Variants in MAPKAP1 observed in about 807,000 individuals in gnomAD.
The protein encoded by MAPKAP1 is MAPK associated protein 1.
A neutral mutation model predicts 65.7 loss-of-function variants in MAPKAP1; 20 were observed. The observed-to-expected ratio is 0.30, with a 90% CI of 0.21 to 0.44. The LOEUF is 0.44. Among genes scored for constraint, MAPKAP1 ranks in the 20% least tolerant of loss-of-function variants. The pLI is 1.00. For missense variants in MAPKAP1, 423 were observed against 648.0 expected (o/e 0.65, Z 3.77); for synonymous variants, 222 against 244.3 (o/e 0.91, Z 0.85).
At chr9:125,563,367 A>C (rs775220435) in intron 5 of MAPKAP1, among the ~76,000 whole-genome samples, 8 of 152,168 alleles carry the variant, frequency 5.3e-5, no homozygotes, top group Non-Finnish European at 8.8e-5. Flanking sequence ...TTTAATGCTA[A>C]CTCAAATTCT....
chr9:125,488,180 A>G (rs1854563666), intron 8 of MAPKAP1, among the ~76,000 whole-genome samples: 1 of 151,824 alleles, frequency 6.6e-6, no homozygotes, highest in South Asian at 2.1e-4. Flanking sequence ...TACCTGGGGG[A>G]GTTCTGAGCC....
At chr9:125,639,053 A>G (rs1052371293) in intron 4 of MAPKAP1, among the ~76,000 whole-genome samples, 1 of 152,220 alleles carries the variant, frequency 6.6e-6, no homozygotes, top group African/African-American at 2.4e-5. Flanking sequence ...AGCCTGGCCA[A>G]TATGGTGAAA....
chr9:125,623,143 C>T (rs1832962864), intron 4 of MAPKAP1, among the ~76,000 whole-genome samples: 2 of 145,870 alleles, frequency 1.4e-5, no homozygotes, highest in African/African-American at 2.5e-5. Flanking sequence ...TCTCGGCTCA[C>T]GACAACCTAC....
At chr9:125,531,247 A>G (rs141572086) in intron 7 of MAPKAP1, among the ~76,000 whole-genome samples, 118 of 152,364 alleles carry the variant, frequency 7.7e-4, no homozygotes, top group African/African-American at 2.7e-3. Flanking sequence ...GTCTAGCAGT[A>G]CAACCTTTGG....
chr9:125,485,814 C>G (rs1418527288), intron 8 of MAPKAP1, among the ~76,000 whole-genome samples: 2 of 152,216 alleles, frequency 1.3e-5, no homozygotes, highest in Admixed American at 6.5e-5. Flanking sequence ...CTAGCTCTGC[C>G]TCTAATTTGC....
At chr9:125,565,867 T>C (rs1320565133) in intron 5 of MAPKAP1, 4 of 221,504 alleles carry the variant, frequency 1.8e-5, no homozygotes, top group Non-Finnish European at 3.9e-5. Context: ...CCAGTGTGTA[T>C]CTACCAACCC....
intron 7 of MAPKAP1, among the ~76,000 whole-genome samples, chr9:125,539,542 AG>A (rs1294656084): frequency 6.6e-6 from 1 of 152,248 alleles, no homozygotes; most frequent in Non-Finnish European, 1.5e-5. Context: ...TCAGAAGGCT[AG>A]GAAGGGCTGA....
intron 6 of MAPKAP1, among the ~76,000 whole-genome samples, chr9:125,554,405 TCA>T (rs1317962658): frequency 1.3e-5 from 2 of 152,154 alleles, no homozygotes; most frequent in Admixed American, 1.3e-4. Flanking sequence ...CAGGGAGTGC[TCA>T]TAGATTCAGG....
chr9:125,670,422 T>C (rs1032926409), intron 2 of MAPKAP1, among the ~76,000 whole-genome samples: 5 of 152,234 alleles, frequency 3.3e-5, no homozygotes, highest in Non-Finnish European at 7.3e-5. Context: ...TAAATTAGCA[T>C]AGCTTTTCTT....
chr9:125,445,152 G>C (rs2900227), intron 10 of MAPKAP1, among the ~76,000 whole-genome samples: 38,247 of 151,830 alleles, frequency 0.25, 4,958 homozygotes, highest in Non-Finnish European at 0.28. Context: ...GGGCGGGGGG[G>C]GCACCATGGA....
At chr9:125,650,636 T>C (rs1176751685) in intron 4 of MAPKAP1, among the ~76,000 whole-genome samples, 3 of 152,156 alleles carry the variant, frequency 2.0e-5, no homozygotes, top group African/African-American at 7.2e-5. Flanking sequence ...TTCTACCTCA[T>C]GGAATTTTTA....
intron 4 of MAPKAP1, among the ~76,000 whole-genome samples, chr9:125,590,766 T>C (rs1001717018): frequency 2.0e-5 from 3 of 151,906 alleles, no homozygotes; most frequent in African/African-American, 7.3e-5. Context: ...CTCTAAGAAA[T>C]AGGGTTCTAT....
chr9:125,621,847 G>A (rs1404454589), intron 4 of MAPKAP1, among the ~76,000 whole-genome samples: 1 of 152,156 alleles, frequency 6.6e-6, no homozygotes, highest in Non-Finnish European at 1.5e-5. Context: ...GTTTAGAAGT[G>A]CAACCATTGT....
chr9:125,579,160 T>A (rs1162685054), intron 5 of MAPKAP1, among the ~76,000 whole-genome samples: 20 of 152,220 alleles, frequency 1.3e-4, no homozygotes, highest in Admixed American at 1.3e-3. Context: ...AAGTACCATA[T>A]TCCAATCTTG....
At chr9:125,542,011 T>C (rs542405830) in intron 7 of MAPKAP1, among the ~76,000 whole-genome samples, 2 of 152,326 alleles carry the variant, frequency 1.3e-5, no homozygotes, top group South Asian at 4.1e-4. Context: ...TCCAAATTGC[T>C]TGCAGACGCT....
At chr9:125,622,836 C>G (rs1832948899) in intron 4 of MAPKAP1, among the ~76,000 whole-genome samples, 1 of 152,132 alleles carries the variant, frequency 6.6e-6, no homozygotes, top group Non-Finnish European at 1.5e-5. Flanking sequence ...CTCCGTCTCC[C>G]CAGTCTCCCT....
intron 8 of MAPKAP1, among the ~76,000 whole-genome samples, chr9:125,496,569 G>T (rs1854958127): frequency 6.6e-6 from 1 of 152,200 alleles, no homozygotes; most frequent in Non-Finnish European, 1.5e-5. Flanking sequence ...AGGAGGCAGA[G>T]CCTCCAGAAG....
intron 6 of MAPKAP1, among the ~76,000 whole-genome samples, chr9:125,555,482 C>T (rs192971548): frequency 2.6e-5 from 4 of 152,340 alleles, no homozygotes; most frequent in East Asian, 1.9e-4. Context: ...ACTGGAGCCC[C>T]GGGAATAGCC....
rs565670164 is a variant in MAPKAP1 at position 125,494,015 on chromosome 9, G to A, written c.1067-9432C>T. ...CATGGGCTGTAATGGTATCTAAGGA[G>A]AACACAGTCACGCCTGGCCATGCCA... On this transcript the variant is annotated intron_variant, in intron 8 of 11. Transcript: ENST00000265960. Among the ~76,000 whole-genome samples, 7 of 152,302 alleles carry A rather than the reference G, an allele frequency of 4.6e-5. No individual in the cohort carries two copies. The South Asian group carries it at 1.2e-3, about 27-fold the overall frequency.
Sources: allele counts gnomAD v4.1 joint callset (sites outside exome capture counted in the v4.1 genomes callset), GRCh38; gene constraint gnomAD v4.1.1; transcripts MANE v1.5; gene names NCBI Gene and HGNC (gene_info 2026-07-23, HGNC 2026-07-21).